The following PBRM1 variants were observed in gnomAD, a reference collection of about 807,000 sequenced individuals.
PBRM1 encodes the protein polybromo 1, also known as protein polybromo-1.
Under a neutral mutation model 194.5 loss-of-function variants are expected in PBRM1, and 27 were observed. The observed-to-expected ratio is 0.14, with a 90% CI of 0.10 to 0.19. PBRM1 has a LOEUF of 0.19. PBRM1 is among the 10% of genes least tolerant of loss of function. The pLI is 1.00. For synonymous variants in PBRM1, 655 were observed against 693.2 expected, an observed-to-expected ratio of 0.94 and a Z score of 0.87; for missense variants, 1,466 against 2,077.2, an observed-to-expected ratio of 0.71 and a Z score of 5.72.
intron 14 of PBRM1, among the ~76,000 whole-genome samples, chr3:52,616,128 G>A (rs1167152058): frequency 6.6e-6 from 1 of 152,130 alleles, no homozygotes; most frequent in Non-Finnish European, 1.5e-5. Context: ...TCTCTTAAAG[G>A]TGGCTTTTTC....
chr3:52,622,024 C>T (rs142389601), intron 13 of PBRM1, among the ~76,000 whole-genome samples: 163 of 145,950 alleles, frequency 1.1e-3, no homozygotes, highest in African/African-American at 3.9e-3. Context: ...CCAGCCTGGG[C>T]AACAGAGTGA....
At chr3:52,628,581 C>T (rs2095519469) in intron 12 of PBRM1, among the ~76,000 whole-genome samples, 1 of 151,856 alleles carries the variant, frequency 6.6e-6, no homozygotes, top group Non-Finnish European at 1.5e-5. Context: ...AGCAACCCTC[C>T]CACCGCAGCC....
At chr3:52,563,056 T>TTAAATTATTAATGGTATTAATA (rs144305943) in intron 24 of PBRM1, among the ~76,000 whole-genome samples, 1 of 152,140 alleles carries the variant, frequency 6.6e-6, no homozygotes, top group Admixed American at 6.6e-5. Flanking sequence ...GATATTAATT[T>TTAAATTATTAATGGTATTAATA]TAAATTATTA....
chr3:52,668,305 A>G (rs996673569), intron 3 of PBRM1, among the ~76,000 whole-genome samples, 193 bp downstream of exon 4: 1 of 152,234 alleles, frequency 6.6e-6, no homozygotes, highest in African/African-American at 2.4e-5. Flanking sequence ...TCAAAAGATA[A>G]TAAATTAAAA....
chr3:52,581,882 C>T (rs1029637775), intron 20 of PBRM1, among the ~76,000 whole-genome samples: 7 of 152,092 alleles, frequency 4.6e-5, no homozygotes, highest in Admixed American at 3.9e-4. Flanking sequence ...GTGATCTGCC[C>T]GCCTCAGCCT....
intron 8 of PBRM1, among the ~76,000 whole-genome samples, chr3:52,644,355 T>C (rs953716568): frequency 6.6e-6 from 1 of 152,046 alleles, no homozygotes; most frequent in Non-Finnish European, 1.5e-5. Flanking sequence ...CCTAGAAAAC[T>C]CAGCAAATAT....
chr3:52,634,520 C>T (rs1326009848), intron 11 of PBRM1, 82 bp downstream of exon 12: 1 of 882,922 alleles, frequency 1.1e-6, no homozygotes, highest in Non-Finnish European at 1.8e-6. Flanking sequence ...ATATCCTTAT[C>T]CATTTTAGGA....
At chr3:52,585,857 TTTC>T (rs2092298941) in intron 20 of PBRM1, 1 of 152,160 alleles carries the variant, frequency 6.6e-6, no homozygotes, top group Admixed American at 6.6e-5. Context: ...GTTTAACCCC[TTTC>T]TTTTCCCATT....
At chr3:52,581,826 C>T (rs2091289884) in intron 20 of PBRM1, among the ~76,000 whole-genome samples, 1 of 151,964 alleles carries the variant, frequency 6.6e-6, no homozygotes, top group Non-Finnish European at 1.5e-5. Flanking sequence ...TTAGTAGAGA[C>T]AGGGTTTCAC....
intron 17 of PBRM1, among the ~76,000 whole-genome samples, chr3:52,595,920 T>C (rs2093492562): frequency 6.6e-6 from 1 of 152,224 alleles, no homozygotes; most frequent in South Asian, 2.1e-4. Context: ...ATGTATATTC[T>C]TGGCACTGTT....
At chr3:52,554,649 TG>T in intron 27 of PBRM1, 74 bp downstream of exon 29, 2 of 1,353,606 alleles carry the variant, frequency 1.5e-6, no homozygotes. Context: ...GGGTGCCTCC[TG>T]GAACAACTGG....
At chr3:52,606,719 G>T (rs902097935) in intron 16 of PBRM1, among the ~76,000 whole-genome samples, 1 of 152,156 alleles carries the variant, frequency 6.6e-6, no homozygotes, top group African/African-American at 2.4e-5. Context: ...TCAGCAAAAG[G>T]AAATAATTAA....
At chr3:52,659,889 C>T (rs13314806) in intron 4 of PBRM1, among the ~76,000 whole-genome samples, 2 of 152,104 alleles carry the variant, frequency 1.3e-5, no homozygotes, top group African/African-American at 2.4e-5. Flanking sequence ...GTCAAGAGTT[C>T]GAGACCAGTC....
At chr3:52,576,112 A>G (rs566006298) in intron 22 of PBRM1, among the ~76,000 whole-genome samples, 1 of 152,126 alleles carries the variant, frequency 6.6e-6, no homozygotes, top group South Asian at 2.1e-4. Context: ...AAATGTACCA[A>G]CGTTAAGTAT....
chr3:52,567,565 C>CAAAAAAAAAAAAA (rs10644120), intron 22 of PBRM1, among the ~76,000 whole-genome samples: 1 of 91,704 alleles, frequency 1.1e-5, no homozygotes, highest in Non-Finnish European at 2.2e-5. Context: ...TAGGTAATCT[C>CAAAAAAAAAAAAA]AAAAAAAAAA....
intron 17 of PBRM1, among the ~76,000 whole-genome samples, chr3:52,591,222 C>T (rs972412350): frequency 6.6e-6 from 1 of 152,142 alleles, no homozygotes; most frequent in Admixed American, 6.5e-5. Context: ...TTTGACTTCC[C>T]TCTTCCTATT....
chr3:52,638,847 C>T (rs1366072013), intron 10 of PBRM1, among the ~76,000 whole-genome samples: 2 of 152,002 alleles, frequency 1.3e-5, no homozygotes, highest in African/African-American at 4.8e-5. Context: ...GATCCTCCTG[C>T]CTCTGCCTCC....
At chr3:52,616,513 G>A (rs1007873475) in intron 14 of PBRM1, among the ~76,000 whole-genome samples, 1 of 152,140 alleles carries the variant, frequency 6.6e-6, no homozygotes, top group African/African-American at 2.4e-5. Flanking sequence ...CTAACATGGT[G>A]AAACCCCATC....
At chr3:52,683,488 G>A (rs1480018223), upstream of PBRM1, among the ~76,000 whole-genome samples, 2 of 151,998 alleles carry the variant, frequency 1.3e-5, no homozygotes, top group African/African-American at 4.8e-5. Context: ...TATAGGTTAT[G>A]TGCTCAGTTT....
Sources: gnomAD v4.1 joint callset for allele counts (sites outside exome capture counted in the v4.1 genomes callset) on GRCh38, gnomAD v4.1.1 for gene constraint, MANE v1.5 for transcripts, NCBI Gene and HGNC (gene_info 2026-07-23, HGNC 2026-07-21) for gene names.